Variants in KPNA5 observed in about 807,000 individuals in gnomAD.
KPNA5 encodes the protein importin subunit alpha-6.
In KPNA5, 46 loss-of-function variants were observed where a neutral mutation model predicts 71.3. The observed-to-expected ratio is 0.65, with a 90% CI of 0.51 to 0.83. The LOEUF (loss-of-function observed/expected upper bound fraction) is 0.83. KPNA5 is among the 40% of genes least tolerant of loss of function. KPNA5 has a pLI of 0.00. For synonymous variants in KPNA5, 207 were observed against 201.4 expected (o/e 1.03, Z -0.24); for missense variants, 547 against 628.3 (o/e 0.87, Z 1.38).
chr6:116,708,546 A>C (rs1196604773), intron 7 of KPNA5, among the ~76,000 whole-genome samples: 1 of 152,194 alleles, frequency 6.6e-6, no homozygotes, highest in Admixed American at 6.5e-5. Context: ...CATCTTAATA[A>C]TATTAAGGCT....
chr6:116,729,100 A>G (rs1004304506), intron 12 of KPNA5, among the ~76,000 whole-genome samples: 13 of 148,940 alleles, frequency 8.7e-5, no homozygotes, highest in Non-Finnish European at 1.5e-4. Flanking sequence ...AAATTTTCTC[A>G]AGTTTAATTT....
intron 5 of KPNA5, among the ~76,000 whole-genome samples, chr6:116,701,697 G>C (rs1334384350): frequency 6.6e-6 from 1 of 152,118 alleles, no homozygotes; most frequent in African/African-American, 2.4e-5. Flanking sequence ...TAGAATGCTT[G>C]CCTCTGTAAT....
chr6:116,726,431 T>G, intron 11 of KPNA5, 64 bp from the exon 12 acceptor site: 2 of 1,360,478 alleles, frequency 1.5e-6, no homozygotes, highest in African/African-American at 3.0e-5. Context: ...GTTTCAAGAT[T>G]TTTTTTACTG....
intron 9 of KPNA5, 29 bp downstream of exon 9, chr6:116,722,318 T>C: frequency 6.6e-7 from 1 of 1,519,348 alleles, no homozygotes; most frequent in East Asian, 2.3e-5. Context: ...TGCTTAATAA[T>C]TGTATGATTG....
chr6:116,705,429 A>G (rs1198199159), intron 7 of KPNA5, among the ~76,000 whole-genome samples: 1 of 152,218 alleles, frequency 6.6e-6, no homozygotes, highest in Non-Finnish European at 1.5e-5. Flanking sequence ...GATATATAGT[A>G]GTTTATAATA....
At chr6:116,724,897 G>T (rs1195947020) in intron 10 of KPNA5, among the ~76,000 whole-genome samples, 1 of 152,162 alleles carries the variant, frequency 6.6e-6, no homozygotes, top group African/African-American at 2.4e-5. Context: ...TTACAGGCAT[G>T]AGCCAGTATG....
chr6:116,722,798 G>T (rs1205972240), intron 9 of KPNA5, among the ~76,000 whole-genome samples: 1 of 152,188 alleles, frequency 6.6e-6, no homozygotes, highest in African/African-American at 2.4e-5. Context: ...ATACAAAGAA[G>T]TTAAAAACGT....
chr6:116,688,149 T>C (rs1777666175), intron 1 of KPNA5, among the ~76,000 whole-genome samples: 1 of 152,128 alleles, frequency 6.6e-6, no homozygotes, highest in African/African-American at 2.4e-5. Flanking sequence ...AGGATACCCA[T>C]GAAGCTTTCA....
At chr6:116,681,955 C>T (rs967997522) in intron 1 of KPNA5, among the ~76,000 whole-genome samples, 1 of 152,072 alleles carries the variant, frequency 6.6e-6, no homozygotes, top group Admixed American at 6.5e-5. Context: ...TGTGAAATGA[C>T]AGTGATATGT....
chr6:116,738,814 A>C lies in KPNA5; in HGVS notation c.*6491A>C, dbSNP rs577485141. ...AAAATTCAACAACGCTTCATGCTAA[A>C]AAACTCTCAATAAATTAGGTATTGA... On this transcript the variant is annotated 3_prime_UTR_variant, in exon 14 of 14. Transcript: ENST00000368564. 10 of 152,358 alleles carry C rather than the reference A, an allele frequency of 6.6e-5. No individual in the cohort carries two copies. The East Asian group carries it at 1.9e-3, about 29-fold the overall frequency. The allele number at this position is 152,358 out of a possible 1,614,324, so 9.4% of individuals were successfully genotyped here.
intron 4 of KPNA5, among the ~76,000 whole-genome samples, chr6:116,694,778 A>G (rs996002428): frequency 7.9e-5 from 12 of 152,158 alleles, no homozygotes; most frequent in African/African-American, 9.7e-5. Flanking sequence ...ATTTTTCTCA[A>G]TTTTAGATTA....
chr6:116,712,872 C>A (rs942354113), intron 7 of KPNA5, among the ~76,000 whole-genome samples: 6 of 151,478 alleles, frequency 4.0e-5, no homozygotes, highest in African/African-American at 9.7e-5. Flanking sequence ...TTTAATGTAC[C>A]CTAAGGAGTA....
chr6:116,682,242 C>T (rs1210273391), intron 1 of KPNA5, among the ~76,000 whole-genome samples: 3 of 152,222 alleles, frequency 2.0e-5, no homozygotes, highest in African/African-American at 7.2e-5. Flanking sequence ...AGCAGGAGAA[C>T]GGTGTGAACC....
In KPNA5 at chr6:116,741,133, G is replaced by A. The variant is rs567708473; in HGVS notation, c.*8810G>A. 5.9e-5 allele frequency: 9 copies of A among 152,010 alleles called. No homozygotes were observed. The highest frequency in any genetic ancestry group is 1.2e-4 in the Non-Finnish European group (8 of 67,990). The allele number at this position is 152,010 out of a possible 1,614,324, so 9.4% of individuals were successfully genotyped here. ...GATATGTGTTGGTTTTAGTGAAATGGCCCATGTGTGTAAGAAAAGAATGTG... is the reference window on the plus strand; with the variant it reads ...GATATGTGTTGGTTTTAGTGAAATGACCCATGTGTGTAAGAAAAGAATGTG... On this transcript the variant is annotated 3_prime_UTR_variant, in exon 14 of 14. Coordinates refer to ENST00000368564, the MANE Select transcript of KPNA5 (RefSeq NM_001366306.2).
At chr6:116,729,971 T>TGTTCTACTTTTTAAAA (rs1779424782) in intron 13 of KPNA5, among the ~76,000 whole-genome samples, 1 of 151,460 alleles carries the variant, frequency 6.6e-6, no homozygotes, top group South Asian at 2.1e-4. Context: ...ATTGTATGTA[T>TGTTCTACTTTTTAAAA]AGTTTTATGT....
At chr6:116,690,708 T>G (rs1351695037) in intron 2 of KPNA5, among the ~76,000 whole-genome samples, 1 of 152,134 alleles carries the variant, frequency 6.6e-6, no homozygotes, top group African/African-American at 2.4e-5. Flanking sequence ...GCAGATTTTG[T>G]TTTCCTCAAA....
intron 8 of KPNA5, 39 bp downstream of exon 8, chr6:116,716,357 T>G (rs776682398): frequency 7.3e-7 from 1 of 1,372,972 alleles, no homozygotes; most frequent in Non-Finnish European, 1.0e-6. Flanking sequence ...TTTGTTTCCA[T>G]AAACCTAAGT....
At chr6:116,708,032 C>G (rs770792647) in intron 7 of KPNA5, among the ~76,000 whole-genome samples, 10 of 152,182 alleles carry the variant, frequency 6.6e-5, no homozygotes, top group Non-Finnish European at 1.5e-4. Context: ...TGTCTGGCTT[C>G]TTTTAGCTTA....
At position 116,733,867 on chromosome 6, in the gene KPNA5, A is replaced by G. The variant is rs1034805437; in HGVS notation, c.*1544A>G. On this transcript the variant is annotated 3_prime_UTR_variant, in exon 14 of 14. Transcript: ENST00000368564. ...GAGGCACGTTCCAAGAGGAAAATGT[A>G]TATAGGAGTACTTTTAAAGAATATG... is the stretch of plus-strand genomic sequence containing the variant. 6 of 151,756 alleles carry G rather than the reference A, an allele frequency of 4.0e-5. No individual in the cohort carries two copies. Among genetic ancestry groups the G allele is most frequent in the Non-Finnish European group, 7.4e-5 (5 of 67,758 alleles). 9.4% of individuals were successfully genotyped at this position (151,756 alleles called of 1,614,324 possible).
Sources: allele counts gnomAD v4.1 joint callset (sites outside exome capture counted in the v4.1 genomes callset), GRCh38; gene constraint gnomAD v4.1.1; transcripts MANE v1.5; gene names NCBI Gene and HGNC (gene_info 2026-07-23, HGNC 2026-07-21).